CAP2: variants seen among roughly 807,000 people sequenced by gnomAD.
The protein encoded by CAP2 is cyclase associated actin cytoskeleton regulatory protein 2, also known as adenylyl cyclase-associated protein 2.
CAP2 carries 24 observed loss-of-function variants against 57.7 expected under a neutral mutation model. The observed-to-expected ratio is 0.42, with a 90% CI of 0.30 to 0.58. The LOEUF is 0.58. Ranked by LOEUF, CAP2 falls within the 20% of genes least tolerant of loss-of-function variation. The probability of loss-of-function intolerance (pLI) is 0.22; values close to 1 mark genes in which losing one functional copy is unlikely to be tolerated. For missense variants in CAP2, 501 were observed against 590.3 expected (o/e 0.85, Z 1.57); for synonymous variants, 194 against 207.2 (o/e 0.94, Z 0.55).
At chr6:17,465,499 A>C (rs951732081) in intron 4 of CAP2, among the ~76,000 whole-genome samples, 19 of 152,100 alleles carry the variant, frequency 1.2e-4, no homozygotes, top group African/African-American at 4.3e-4. Flanking sequence ...TATGATGCCT[A>C]CCTCCCTTCC....
chr6:17,441,547 G>A (rs1031077484), intron 3 of CAP2, among the ~76,000 whole-genome samples: 1 of 151,468 alleles, frequency 6.6e-6, no homozygotes, highest in African/African-American at 2.4e-5. Context: ...GCAGTAGCAA[G>A]ATCAAGGCTC....
chr6:17,407,589 C>T (rs1191566678), intron 1 of CAP2, among the ~76,000 whole-genome samples: 1 of 151,718 alleles, frequency 6.6e-6, no homozygotes, highest in African/African-American at 2.4e-5. Flanking sequence ...CCAACCTGGC[C>T]AACATGGTGA....
intron 3 of CAP2, among the ~76,000 whole-genome samples, chr6:17,462,503 T>C (rs1244552825): frequency 2.0e-5 from 3 of 152,128 alleles, no homozygotes; most frequent in Non-Finnish European, 2.9e-5. Context: ...CCCGAACATT[T>C]TCACCACCCC....
At chr6:17,477,820 T>C (rs1046226728) in intron 4 of CAP2, among the ~76,000 whole-genome samples, 1 of 152,116 alleles carries the variant, frequency 6.6e-6, no homozygotes, top group African/African-American at 2.4e-5. Flanking sequence ...GTGATTTAAA[T>C]GTAATCCTGT....
intron 7 of CAP2, among the ~76,000 whole-genome samples, chr6:17,521,113 G>C (rs974986162): frequency 1.3e-5 from 2 of 152,180 alleles, no homozygotes; most frequent in Non-Finnish European, 2.9e-5. Context: ...GCTCAACAGG[G>C]GTTAGAAGTG....
rs756743280 is a variant in CAP2, at chr6:17,539,458, G to A, written c.826G>A (p.Gly276Arg). ...QLNQGEAITK[G>R]LRHVTDDQKT... Reference sequence around the variant, plus strand: ...TAACCAGGGAGAAGCAATTACAAAAGGTGAGAGAGAAAAGAAGACCTTGAA... The same window carrying A: ...TAACCAGGGAGAAGCAATTACAAAAAGTGAGAGAGAAAAGAAGACCTTGAA... Residue 276 changes from glycine to arginine, a missense_variant and splice_region_variant, in exon 8 of 13, where the codon GGG becomes AGG. Transcript: ENST00000229922. 2.5e-6 allele frequency: 4 copies of A among 1,612,508 alleles called. No homozygotes were observed. The highest frequency in any genetic ancestry group is 1.3e-5 in the African/African-American group (1 of 74,830).
At chr6:17,547,031 C>A (rs1763063468) in intron 11 of CAP2, among the ~76,000 whole-genome samples, 1 of 152,090 alleles carries the variant, frequency 6.6e-6, no homozygotes, top group Non-Finnish European at 1.5e-5. Flanking sequence ...TTCTTATACA[C>A]CAATAACAGA....
intron 1 of CAP2, among the ~76,000 whole-genome samples, chr6:17,399,489 T>C (rs1003045943): frequency 2.6e-5 from 4 of 152,210 alleles, no homozygotes; most frequent in African/African-American, 9.6e-5. Flanking sequence ...TTGTTTCCCT[T>C]TCAGTATACA....
In CAP2 at chr6:17,426,625, A is replaced by G; in HGVS notation, c.157A>G (p.Met53Val). The change falls in exon 3 of 13, where the codon ATG becomes GTG. Residue 53 changes from methionine (M) to valine (V), a missense_variant. Met to Val is a conservative substitution (Grantham distance 21, BLOSUM62 1). Transcript: ENST00000229922. ...APSVEAFDKL[M>V]DSMVAEFLKN... ...CTCCGTGGAAGCCTTTGACAAGCTG[A>G]TGGACAGTATGGTGGCCGAGTTTTT... 1 of 1,614,040 alleles carries G rather than the reference A, an allele frequency of 6.2e-7. No individual in the cohort carries two copies. The highest frequency in any genetic ancestry group is 2.2e-5 in the East Asian group (1 of 44,876).
At chr6:17,541,232 G>T (rs1762892731) in intron 9 of CAP2, 84 bp downstream of exon 9, 3 of 1,111,582 alleles carry the variant, frequency 2.7e-6, no homozygotes, top group Non-Finnish European at 3.8e-6. Flanking sequence ...AGATCTGAAG[G>T]ATTTCTTTTT....
intron 3 of CAP2, among the ~76,000 whole-genome samples, chr6:17,444,291 G>A (rs940262660): frequency 2.0e-5 from 3 of 152,160 alleles, no homozygotes; most frequent in African/African-American, 7.2e-5. Flanking sequence ...ATGGACAGAT[G>A]AATTTACTGT....
At chr6:17,530,837 G>GTTTT in intron 7 of CAP2, 1 of 621,648 alleles carries the variant, frequency 1.6e-6, no homozygotes, top group East Asian at 3.2e-5. Context: ...TTTTCAGTTT[G>GTTTT]AGAGCAGGTA....
intron 7 of CAP2, among the ~76,000 whole-genome samples, chr6:17,529,651 A>AAAATATATAT (rs10656588): frequency 1.9e-3 from 259 of 134,492 alleles, no homozygotes; most frequent in Admixed American, 2.3e-3. Context: ...AAAAAAAAAA[A>AAAATATATAT]ATATATATAT....
At chr6:17,457,399 C>T (rs183519124) in intron 3 of CAP2, among the ~76,000 whole-genome samples, 498 of 152,272 alleles carry the variant, frequency 3.3e-3, no homozygotes, top group Non-Finnish European at 5.5e-3. Flanking sequence ...TCAGCAGGTT[C>T]GGTAAAATTG....
intron 11 of CAP2, among the ~76,000 whole-genome samples, chr6:17,545,758 C>T (rs1181762500): frequency 1.3e-5 from 2 of 152,142 alleles, no homozygotes; most frequent in Non-Finnish European, 2.9e-5. Context: ...CAAATGTTCT[C>T]ATTGTTCAAT....
At chr6:17,551,686 C>A in intron 12 of CAP2, 82 bp downstream of exon 12, 1 of 1,067,500 alleles carries the variant, frequency 9.4e-7, no homozygotes, top group Non-Finnish European at 1.4e-6. Context: ...AATCAGCTAC[C>A]AACCTGCGAG....
In CAP2 at chr6:17,463,037, C is replaced by T; in HGVS notation, c.264C>T (p.Phe88=). The T allele has an allele frequency of 6.2e-7, 1 of 1,614,114 alleles. No individual in the cohort carries two copies. Among genetic ancestry groups the T allele is most frequent in the South Asian group, 1.1e-5 (1 of 91,068 alleles). Residue 88 remains phenylalanine (F), a synonymous_variant, in exon 4 of 13, where the codon TTC becomes TTT. Transcript: ENST00000229922. ...GTGCTTTCCAGGCCCAGCGGGCTTTCCTTCTGATGGCCTCTCAGTACCAAC... is the reference window on the plus strand; with the variant it reads ...GTGCTTTCCAGGCCCAGCGGGCTTTTCTTCTGATGGCCTCTCAGTACCAAC... ...VHSAFQAQRA[F]LLMASQYQQP... is the part of the protein sequence containing the mutation.
intron 11 of CAP2, among the ~76,000 whole-genome samples, chr6:17,544,544 CTT>C (rs11411180): frequency 1.4e-5 from 2 of 147,158 alleles, no homozygotes; most frequent in Non-Finnish European, 3.0e-5. Context: ...TAACTTCTAT[CTT>C]TTTTTTTTTT....
intron 7 of CAP2, chr6:17,531,703 G>T: frequency 3.1e-6 from 2 of 655,580 alleles, no homozygotes; most frequent in South Asian, 1.9e-5. Context: ...TAGGTTGTCT[G>T]ACCTGTACTT....
Sources: allele counts gnomAD v4.1 joint callset (sites outside exome capture counted in the v4.1 genomes callset), GRCh38; gene constraint gnomAD v4.1.1; transcripts MANE v1.5; gene names NCBI Gene and HGNC (gene_info 2026-07-23, HGNC 2026-07-21).